TULP4: variants seen among roughly 807,000 people sequenced by gnomAD.
TULP4 encodes tubby-related protein 4.
A neutral mutation model predicts 129.0 loss-of-function variants in TULP4; 16 were observed. That is an observed-to-expected ratio of 0.12 (90% confidence interval 0.08 to 0.19). TULP4 has a LOEUF of 0.19. Ranked by LOEUF, TULP4 falls within the 10% of genes least tolerant of loss-of-function variation. The probability of loss-of-function intolerance (pLI) is 1.00; values close to 1 mark genes in which losing one functional copy is unlikely to be tolerated. For synonymous variants in TULP4, 998 were observed against 854.0 expected (o/e 1.17, Z -2.94); for missense variants, 1,842 against 2,059.1 (o/e 0.89, Z 2.04).
intron 5 of TULP4, among the ~76,000 whole-genome samples, chr6:158,454,022 C>CCA (rs1554293017): frequency 2.4e-4 from 23 of 94,708 alleles, no homozygotes; most frequent in Admixed American, 1.6e-3. Context: ...CTCTGCACCG[C>CCA]CCCCCCCCAA....
intron 1 of TULP4, among the ~76,000 whole-genome samples, chr6:158,248,867 C>T (rs1443880260): frequency 6.6e-6 from 1 of 152,042 alleles, no homozygotes; most frequent in East Asian, 1.9e-4. Context: ...CACATGTAAT[C>T]CCAGCACGTT....
chr6:158,240,893 G>A (rs1339846215), intron 1 of TULP4, among the ~76,000 whole-genome samples: 13 of 150,140 alleles, frequency 8.7e-5, no homozygotes, highest in Admixed American at 5.3e-4. Context: ...GGGCGGAGAC[G>A]CTCCTCACTT....
At chr6:158,485,472 T>A (rs1780045398) in intron 8 of TULP4, among the ~76,000 whole-genome samples, 2 of 152,184 alleles carry the variant, frequency 1.3e-5, no homozygotes, top group Non-Finnish European at 2.9e-5. Flanking sequence ...GGAAACAGGA[T>A]GAAAGGAAGG....
chr6:158,422,856 C>T (rs1778379827), intron 2 of TULP4, among the ~76,000 whole-genome samples: 3 of 152,366 alleles, frequency 2.0e-5, no homozygotes, highest in Admixed American at 1.3e-4. Flanking sequence ...GGATGTTCCA[C>T]ACACGTGGGG....
intron 1 of TULP4, among the ~76,000 whole-genome samples, chr6:158,304,725 G>A (rs530889944): frequency 6.6e-6 from 1 of 150,578 alleles, no homozygotes; most frequent in Non-Finnish European, 1.5e-5. Flanking sequence ...GAAGTACAGT[G>A]GTGTGATCAT....
chr6:158,424,380 G>A (rs1256692060), intron 2 of TULP4, among the ~76,000 whole-genome samples: 2 of 152,120 alleles, frequency 1.3e-5, no homozygotes, highest in African/African-American at 4.8e-5. Flanking sequence ...CTCCTGAGTA[G>A]CTGGGACTAC....
At chr6:158,346,464 G>T (rs763046420) in intron 1 of TULP4, among the ~76,000 whole-genome samples, 1 of 152,218 alleles carries the variant, frequency 6.6e-6, no homozygotes, top group African/African-American at 2.4e-5. Flanking sequence ...CATAACTCTC[G>T]TATGCACTAG....
chr6:158,348,173 GT>G lies in TULP4; in HGVS notation c.252+33920del, dbSNP rs34217788. 1.4e-3 allele frequency among the ~76,000 whole-genome samples: 158 copies of G among 112,172 alleles called. 2 individuals are homozygous for G. Among genetic ancestry groups the G allele is most frequent in the African/African-American group, 5.4e-3 (143 of 26,340 alleles). The allele number at this position is 112,172 out of a possible 152,430, so 73.6% of individuals were successfully genotyped here. On this transcript the variant is annotated intron_variant, in intron 1 of 13. Coordinates refer to ENST00000367097, the MANE Select transcript of TULP4 (RefSeq NM_020245.5). ...TTTTGGTCTTTTTTTTTTTTTTAAG[GT>G]TTTTTTTTTTTTTTAGTATTTATTG...
At chr6:158,261,488 C>T (rs190105859) in intron 1 of TULP4, among the ~76,000 whole-genome samples, 1 of 152,286 alleles carries the variant, frequency 6.6e-6, no homozygotes, top group Admixed American at 6.5e-5. Flanking sequence ...GGAGCAGTCT[C>T]GGAACCTCTT....
chr6:158,238,957 G>A (rs1777784645), intron 1 of TULP4, among the ~76,000 whole-genome samples: 1 of 140,194 alleles, frequency 7.1e-6, no homozygotes, highest in East Asian at 2.3e-4. Flanking sequence ...CCTCCCAGAC[G>A]GGGTGGTGGC....
intron 1 of TULP4, among the ~76,000 whole-genome samples, chr6:158,260,574 T>C (rs1223666152): frequency 1.1e-5 from 1 of 91,266 alleles, no homozygotes; most frequent in African/African-American, 3.2e-5. Context: ...AGACTCTGTC[T>C]CAAAAAAAAA....
In TULP4 at chr6:158,240,741, G is replaced by A. The variant is rs1198545104; in HGVS notation, n.68+8438G>A. ...TCCCGGACGGGGCGGCTGGCCGGGC[G>A]GGGGGCTGACCCCCCCACCTCCCTC... is the stretch of plus-strand genomic sequence containing the variant. On this transcript the variant is annotated intron_variant and non_coding_transcript_variant, in intron 1 of 1. Transcript: ENST00000620026. 6.6e-4 allele frequency among the ~76,000 whole-genome samples: 86 copies of A among 130,890 alleles called. 2 individuals carry two copies. Among genetic ancestry groups the A allele is most frequent in the Admixed American group, 2.0e-3 (26 of 12,812 alleles). 85.9% of individuals were successfully genotyped at this position (130,890 alleles called of 152,430 possible).
At chr6:158,382,049 A>G (rs1440706528) in intron 1 of TULP4, among the ~76,000 whole-genome samples, 1 of 152,168 alleles carries the variant, frequency 6.6e-6, no homozygotes, top group Non-Finnish European at 1.5e-5. Flanking sequence ...ACCTGTTTCT[A>G]GAAAAAGCAG....
chr6:158,279,821 C>T (rs1332207904), upstream of TULP4, among the ~76,000 whole-genome samples: 1 of 152,222 alleles, frequency 6.6e-6, no homozygotes, highest in African/African-American at 2.4e-5. Context: ...AAACAGCAGA[C>T]AGCTGTGAAC....
intron 1 of TULP4, among the ~76,000 whole-genome samples, chr6:158,403,776 C>G (rs1406834367): frequency 6.6e-6 from 1 of 152,174 alleles, no homozygotes; most frequent in Non-Finnish European, 1.5e-5. Context: ...CCTTAGTCAC[C>G]TAGATATCTT....
At chr6:158,340,604 C>A (rs1780158114) in intron 1 of TULP4, among the ~76,000 whole-genome samples, 1 of 152,192 alleles carries the variant, frequency 6.6e-6, no homozygotes, top group African/African-American at 2.4e-5. Flanking sequence ...CTTCCCTAGC[C>A]TGCCCTCCTG....
In TULP4 at chr6:158,452,167, ACAT is replaced by A. The variant is rs747541888; in HGVS notation, c.761_763del (p.Ile254del). The A allele has an allele frequency of 6.2e-7, 1 of 1,614,170 alleles. No individual in the cohort carries two copies. Among genetic ancestry groups the A allele is most frequent in the Admixed American group, 1.7e-5 (1 of 60,020 alleles). On this transcript the variant is annotated inframe_deletion, in exon 5 of 14. Coordinates refer to ENST00000367097, the MANE Select transcript of TULP4 (RefSeq NM_020245.5). ...GCAGCATATCCCATCCCAGTGCAGAACATCAAGCCTCTGCTCACCGTCAGCTTC... is the reference window on the plus strand; with the variant it reads ...GCAGCATATCCCATCCCAGTGCAGAACAAGCCTCTGCTCACCGTCAGCTTC...
In TULP4 at chr6:158,413,437, C is replaced by T. The variant is rs886875323; in HGVS notation, c.381+244C>T. Among the ~76,000 whole-genome samples the T allele has an allele frequency of 2.6e-5, 4 of 152,232 alleles. No individual in the cohort carries two copies. The highest frequency in any genetic ancestry group is 5.9e-5 in the Non-Finnish European group (4 of 68,040). ...TTGTGAGAACTCTCCAACTTTCAAA[C>T]TTTAATCAGATCTGTGAAGTCATTT... On this transcript the variant is annotated intron_variant, in intron 2 of 13. Coordinates refer to ENST00000367097, the MANE Select transcript of TULP4 (RefSeq NM_020245.5). This position sits in a 1 kb window ranked among gnomAD's most constrained non-coding sequence, Gnocchi z 4.9.
At chr6:158,368,633 T>C (rs929788879) in intron 1 of TULP4, among the ~76,000 whole-genome samples, 16 of 152,200 alleles carry the variant, frequency 1.1e-4, no homozygotes, top group Non-Finnish European at 1.8e-4. Flanking sequence ...TTCATTTCTT[T>C]CAGTTTTCTG....
Sources: allele counts gnomAD v4.1 joint callset (sites outside exome capture counted in the v4.1 genomes callset), GRCh38; gene constraint gnomAD v4.1.1; non-coding constraint Gnocchi (gnomAD v3.1); transcripts MANE v1.5; gene names NCBI Gene and HGNC (gene_info 2026-07-23, HGNC 2026-07-21).